Variants in CTPS2 observed in about 807,000 individuals in gnomAD.
CTPS2 encodes CTP synthase 2.
Under a neutral mutation model 46.8 loss-of-function variants are expected in CTPS2, and 19 were observed. The ratio of observed to expected loss-of-function variants is 0.41; its 90% CI spans 0.28 to 0.60. The LOEUF (loss-of-function observed/expected upper bound fraction) is 0.60. CTPS2 is among the 20% of genes least tolerant of loss of function. The pLI is 0.35. For missense variants in CTPS2, 286 were observed against 447.6 expected (o/e 0.64, Z 3.26); for synonymous variants, 151 against 165.2 (o/e 0.91, Z 0.66).
chrX:16,590,671 A>G, intron 18 of CTPS2, 81 bp downstream of exon 18: 1 of 495,174 alleles, frequency 2.0e-6, no homozygotes, highest in Non-Finnish European at 3.4e-6. Flanking sequence ...CTGTGAGGCG[A>G]GTCCTATAAT....
intron 17 of CTPS2, among the ~76,000 whole-genome samples, chrX:16,602,976 G>A (rs762849349): frequency 3.6e-5 from 4 of 111,364 alleles, no homozygotes; most frequent in Non-Finnish European, 7.5e-5. Context: ...CTTTGACCTT[G>A]GAAAACTCAT....
intron 13 of CTPS2, among the ~76,000 whole-genome samples, chrX:16,667,016 C>A (rs898522098): frequency 9.0e-6 from 1 of 110,837 alleles, no homozygotes; most frequent in African/African-American, 3.3e-5. Context: ...AGGATTGTGA[C>A]TGTCTTTAAG....
chrX:16,676,158 T>C (rs1163386295), intron 10 of CTPS2, among the ~76,000 whole-genome samples: 1 of 111,984 alleles, frequency 8.9e-6, no homozygotes, highest in African/African-American at 3.2e-5. Context: ...CAGGACACAA[T>C]TGGAGGGAGA....
intron 16 of CTPS2, among the ~76,000 whole-genome samples, chrX:16,615,230 T>C (rs1261989100): frequency 9.1e-6 from 1 of 110,073 alleles, no homozygotes; most frequent in African/African-American, 3.3e-5. Context: ...TCCCAGCTCC[T>C]TGGGAGGCTG....
chrX:16,656,605 A>G (rs1243477405), intron 13 of CTPS2, among the ~76,000 whole-genome samples: 2 of 111,034 alleles, frequency 1.8e-5, no homozygotes, highest in Non-Finnish European at 3.8e-5. Context: ...TAGTAGAGAC[A>G]GGGTTTCACC....
intron 14 of CTPS2, among the ~76,000 whole-genome samples, chrX:16,632,248 G>A (rs752280154): frequency 5.4e-5 from 6 of 110,991 alleles, no homozygotes; most frequent in Non-Finnish European, 1.1e-4. Context: ...ACCAGCCTGG[G>A]CAACAAAGAG....
At chrX:16,638,180 A>C (rs897467076) in intron 14 of CTPS2, among the ~76,000 whole-genome samples, 1 of 107,737 alleles carries the variant, frequency 9.3e-6, no homozygotes, top group South Asian at 4.2e-4. Flanking sequence ...ACGTCAACCC[A>C]GGAGGCGGAG....
intron 17 of CTPS2, among the ~76,000 whole-genome samples, chrX:16,595,162 T>TACACACAC (rs10643985): frequency 2.1e-3 from 213 of 102,725 alleles, no homozygotes; most frequent in African/African-American, 6.0e-3. Context: ...AGCAATCTTT[T>TACACACAC]ACACACACAC....
At chrX:16,687,266 G>A (rs1020485423) in intron 8 of CTPS2, among the ~76,000 whole-genome samples, 8 of 110,148 alleles carry the variant, frequency 7.3e-5, no homozygotes, top group Admixed American at 6.9e-4. Flanking sequence ...TTGGGAGGCC[G>A]AGGCAGGAAG....
At chrX:16,639,899 C>T (rs775832168) in intron 13 of CTPS2, among the ~76,000 whole-genome samples, 1 of 111,273 alleles carries the variant, frequency 9.0e-6, no homozygotes, top group African/African-American at 3.3e-5. Context: ...CTCTGTAGGT[C>T]GGAAACTTAA....
chrX:16,631,615 G>C (rs1931476728), intron 14 of CTPS2, among the ~76,000 whole-genome samples: 1 of 112,231 alleles, frequency 8.9e-6, no homozygotes, highest in Admixed American at 9.5e-5. Flanking sequence ...AACTGAAATG[G>C]TCTGAAAAAC....
At chrX:16,654,049 T>C (rs1006434721) in intron 13 of CTPS2, among the ~76,000 whole-genome samples, 1 of 112,025 alleles carries the variant, frequency 8.9e-6, no homozygotes, top group African/African-American at 3.2e-5. Flanking sequence ...CCTCAACTGT[T>C]TGTGTGCCGT....
chrX:16,594,321 T>C (rs1405471792), intron 17 of CTPS2, among the ~76,000 whole-genome samples: 2 of 111,024 alleles, frequency 1.8e-5, no homozygotes, highest in African/African-American at 6.5e-5. Flanking sequence ...CCCCCCACAC[T>C]CCTGGTTATA....
At chrX:16,631,422 G>A (rs1931463098) in intron 14 of CTPS2, among the ~76,000 whole-genome samples, 1 of 111,385 alleles carries the variant, frequency 9.0e-6, no homozygotes, top group Non-Finnish European at 1.9e-5. Context: ...AGGAGGCTGA[G>A]GCAGGAGGAC....
intron 13 of CTPS2, among the ~76,000 whole-genome samples, chrX:16,655,166 G>A (rs144071394): frequency 0.015 from 1,728 of 111,978 alleles, 33 homozygotes; most frequent in African/African-American, 0.053. Flanking sequence ...TTGACGTCAT[G>A]CTATCTCCCA....
At chrX:16,601,576 G>T (rs1012331636) in intron 17 of CTPS2, among the ~76,000 whole-genome samples, 4 of 68,004 alleles carry the variant, frequency 5.9e-5, no homozygotes, top group Admixed American at 4.3e-4. Flanking sequence ...AGCCATCGGG[G>T]GGGGGGGGGT....
intron 13 of CTPS2, among the ~76,000 whole-genome samples, chrX:16,639,778 AAAG>A (rs753363825): frequency 0.13 from 1,850 of 14,540 alleles, 22 homozygotes; most frequent in Middle Eastern, 0.21. Flanking sequence ...AAGGAAAAGA[AAAG>A]AAAGAAAGAA....
intron 13 of CTPS2, among the ~76,000 whole-genome samples, chrX:16,639,831 A>AAGAG (rs1555961938): frequency 1.8e-5 from 2 of 108,738 alleles, no homozygotes; most frequent in African/African-American, 6.7e-5. Flanking sequence ...GAAAGAAAGA[A>AAGAG]GAAAAGAAAA....
chrX:16,687,594 G>T (rs937983464), intron 8 of CTPS2, among the ~76,000 whole-genome samples: 1 of 110,716 alleles, frequency 9.0e-6, no homozygotes, highest in Non-Finnish European at 1.9e-5. Flanking sequence ...AGTGCTTAAA[G>T]TGTATCAGCC....
Sources: gnomAD v4.1 joint callset for allele counts (sites outside exome capture counted in the v4.1 genomes callset) on GRCh38, gnomAD v4.1.1 for gene constraint, MANE v1.5 for transcripts, NCBI Gene and HGNC (gene_info 2026-07-23, HGNC 2026-07-21) for gene names.